ACYP1: variants seen among roughly 807,000 people sequenced by gnomAD.
ACYP1 encodes the protein acylphosphatase 1.
In ACYP1, 8 loss-of-function variants were observed where a neutral mutation model predicts 10.4. The ratio of observed to expected loss-of-function variants is 0.77; its 90% confidence interval spans 0.45 to 1.38. The LOEUF is 1.38. Ranked by LOEUF, ACYP1 falls within the 40% of genes most tolerant of loss-of-function variation. The pLI is 0.00. For synonymous variants in ACYP1, 38 were observed against 40.8 expected, an observed-to-expected ratio of 0.93 and a Z score of 0.26; for missense variants, 93 against 117.3, an observed-to-expected ratio of 0.79 and a Z score of 0.96.
chr14:75,062,911 C>T (rs1893063635), intron 2 of ACYP1: 1 of 152,844 alleles, frequency 6.5e-6, no homozygotes, highest in African/African-American at 2.4e-5. Context: ...TCAGTGTTCC[C>T]ATCACCTATT....
chr14:75,053,542 T>C lies in ACYP1; in HGVS notation c.202A>G (p.Thr68Ala). ...ATGTGTGATTTAGGACTTCCTCTTGTTTCAAGCCATTCCTGCATATGACGC... is the reference window on the plus strand; with the variant it reads ...ATGTGTGATTTAGGACTTCCTCTTGCTTCAAGCCATTCCTGCATATGACGC... ...KVRHMQEWLETRGSPKSHIDK... is the reference protein window; with the variant it reads ...KVRHMQEWLEARGSPKSHIDK... The change falls in exon 3 of 3, where the codon ACA becomes GCA. Residue 68 changes from threonine (T) to alanine (A), a missense_variant. Physicochemically the swap from Thr to Ala is moderately conservative, Grantham distance 58. Coordinates refer to ENST00000238618, the MANE Select transcript of ACYP1 (RefSeq NM_001107.5). 2 of 1,614,200 alleles carry C rather than the reference T, an allele frequency of 1.2e-6. No individual in the cohort carries two copies. Among genetic ancestry groups the C allele is most frequent in the Middle Eastern group, 1.6e-4 (1 of 6,062 alleles).
At chr14:75,059,921 AGAAT>A (rs1375818759) in intron 2 of ACYP1, 5 of 218,242 alleles carry the variant, frequency 2.3e-5, no homozygotes, top group South Asian at 1.4e-4. Context: ...TTGAATTAAT[AGAAT>A]GTAGATTTAT....
chr14:75,067,889 C>T (rs1384314825), upstream of ACYP1, among the ~76,000 whole-genome samples: 4 of 151,624 alleles, frequency 2.6e-5, no homozygotes, highest in Middle Eastern at 0.01. Context: ...GTCCCAGCTA[C>T]TCGGGAGGCT....
At chr14:75,060,165 G>C in intron 2 of ACYP1, 1 of 622,242 alleles carries the variant, frequency 1.6e-6, no homozygotes, top group Middle Eastern at 2.5e-4. Context: ...AATATTTTGG[G>C]ATTTTCCAGT....
At chr14:75,063,332 T>C in intron 2 of ACYP1, 138 bp downstream of exon 2, 1 of 677,624 alleles carries the variant, frequency 1.5e-6, no homozygotes, top group Non-Finnish European at 2.7e-6. Context: ...ATTTTCATAC[T>C]CATTGCTCTA....
intron 2 of ACYP1, chr14:75,060,019 G>A (rs1308009071): frequency 8.3e-6 from 3 of 362,664 alleles, no homozygotes; most frequent in Non-Finnish European, 1.5e-5. Flanking sequence ...GATGAAAAGC[G>A]TTCTGTAGAT....
chr14:75,055,308 C>T (rs1232720778), intron 2 of ACYP1, among the ~76,000 whole-genome samples: 2 of 150,930 alleles, frequency 1.3e-5, no homozygotes, highest in Non-Finnish European at 2.9e-5. Context: ...AGGATGGTCT[C>T]GATCTCCTGA....
At chr14:75,059,157 A>C (rs184129114) in intron 2 of ACYP1, among the ~76,000 whole-genome samples, 52 of 142,714 alleles carry the variant, frequency 3.6e-4, no homozygotes, top group African/African-American at 1.3e-3. Context: ...GCGCCACTGC[A>C]CAGAGCGAGA....
intron 1 of ACYP1, among the ~76,000 whole-genome samples, chr14:75,069,026 T>C (rs1893223296): frequency 6.6e-6 from 1 of 152,246 alleles, no homozygotes; most frequent in Non-Finnish European, 1.5e-5. Context: ...TACATTTGGC[T>C]GAGTCATTCC....
intron 2 of ACYP1, chr14:75,060,377 ATTG>A (rs1892987160): frequency 5.5e-6 from 3 of 544,484 alleles, no homozygotes. Context: ...ATTCTCACAC[ATTG>A]CCAGTGAGAA....
At chr14:75,068,481 GGA>G (rs528752008), upstream of ACYP1, among the ~76,000 whole-genome samples, 2 of 151,726 alleles carry the variant, frequency 1.3e-5, no homozygotes, top group East Asian at 1.9e-4. Flanking sequence ...GGAGAGGGAA[GGA>G]GAGAGAGAGA....
Position 75,058,445 on chromosome 14 carries a change from G to A in ACYP1, c.85-4786C>T, listed in dbSNP as rs758413930. Among the ~76,000 whole-genome samples the A allele has an allele frequency of 7.3e-5, 11 of 151,042 alleles. 1 individual carries two copies. Among genetic ancestry groups the A allele is most frequent in the South Asian group, 2.1e-4 (1 of 4,738 alleles). On this transcript the variant is annotated intron_variant, in intron 2 of 2. Transcript: ENST00000238618. The stretch of plus-strand genomic sequence containing the variant: ...GCCTGGGCGACAAGAACAAGACTCC[G>A]TTTCAAAAAAAATAAATAAAAATAA...
intron 2 of ACYP1, among the ~76,000 whole-genome samples, chr14:75,056,811 C>A (rs1438132715): frequency 7.3e-5 from 11 of 151,408 alleles, no homozygotes; most frequent in Admixed American, 3.9e-4. Flanking sequence ...TGACAAAAAC[C>A]AATACCTCTT....
At chr14:75,055,412 A>C (rs978349086) in intron 2 of ACYP1, among the ~76,000 whole-genome samples, 1 of 151,364 alleles carries the variant, frequency 6.6e-6, no homozygotes, top group Non-Finnish European at 1.5e-5. Flanking sequence ...AGAGTTGAAC[A>C]GAACACTCCA....
At chr14:75,058,397 C>T (rs575784421) in intron 2 of ACYP1, among the ~76,000 whole-genome samples, 6 of 151,222 alleles carry the variant, frequency 4.0e-5, no homozygotes, top group African/African-American at 9.8e-5. Context: ...TGCAGTGAGC[C>T]GAGATTGTGT....
In ACYP1 at chr14:75,058,266, C is replaced by T. The variant is rs1234205206; in HGVS notation, c.85-4607G>A. 4.0e-5 allele frequency among the ~76,000 whole-genome samples: 6 copies of T among 150,702 alleles called. No homozygotes were observed. The South Asian group carries it at 6.4e-4, about 16-fold the overall frequency. ...GAGTTTGAGACCAGCCTGGCCAACA[C>T]GGTGAAACCCTGTGTCTACTAAAAA... On this transcript the variant is annotated intron_variant, in intron 2 of 2. Transcript: ENST00000238618.
At position 75,053,315 on chromosome 14, in the gene ACYP1, T is replaced by C. The variant is rs1340563412; in HGVS notation, c.*129A>G. 1.2e-6 allele frequency: 1 copy of C among 811,500 alleles called. No individual in the cohort carries two copies. The highest frequency in any genetic ancestry group is 2.0e-6 in the Non-Finnish European group (1 of 503,412). The allele number at this position is 811,500 out of a possible 1,614,324, so 50.3% of individuals were successfully genotyped here. ...CTTCCATCATACAGGTAATATATAA[T>C]AACATTCAAAAATCTGACATTAAAA... On this transcript the variant is annotated 3_prime_UTR_variant, in exon 3 of 3. Coordinates refer to ENST00000238618, the MANE Select transcript of ACYP1 (RefSeq NM_001107.5).
At chr14:75,067,164 GAA>G (rs1261153221), upstream of ACYP1, among the ~76,000 whole-genome samples, 1 of 148,178 alleles carries the variant, frequency 6.7e-6, no homozygotes, top group Non-Finnish European at 1.5e-5. Flanking sequence ...AATCATTAAA[GAA>G]GAGAATGTCT....
At chr14:75,067,992 C>T (rs1245093635), upstream of ACYP1, among the ~76,000 whole-genome samples, 2 of 143,972 alleles carry the variant, frequency 1.4e-5, no homozygotes, top group Admixed American at 6.9e-5. Flanking sequence ...GAGTGAGGCC[C>T]TGTCTCAAAA....
Sources: allele counts gnomAD v4.1 joint callset (sites outside exome capture counted in the v4.1 genomes callset), GRCh38; gene constraint gnomAD v4.1.1; transcripts MANE v1.5; gene names NCBI Gene and HGNC (gene_info 2026-07-23, HGNC 2026-07-21).